The following RGMA variants were observed in gnomAD, a reference collection of about 807,000 sequenced individuals.
RGMA encodes repulsive guidance molecule A.
A neutral mutation model predicts 23.2 loss-of-function variants in RGMA; 10 were observed. That is an observed-to-expected ratio of 0.43 (90% CI 0.27 to 0.73). RGMA has a LOEUF of 0.73. Among genes scored for constraint, RGMA ranks in the 30% least tolerant of loss-of-function variants. RGMA has a pLI of 0.20. For missense variants in RGMA, 547 were observed against 630.5 expected (o/e 0.87, Z 1.42); for synonymous variants, 308 against 279.3 (o/e 1.10, Z -1.03).
At position 93,041,875 on chromosome 15, in the gene RGMA, T is replaced by A. The variant is rs1374608418; in HGVS notation, c.*3123A>T. ...GAACAGGGCTTTAGAACGTTCTCCT[T>A]TTTTGGCCGGGCACGGTGGTGGCTC... is the stretch of plus-strand genomic sequence containing the variant. On this transcript the variant is annotated 3_prime_UTR_variant, in exon 4 of 4. Transcript: ENST00000329082. The A allele has an allele frequency of 6.6e-6, 1 of 152,304 alleles. No individual in the cohort carries two copies. Among genetic ancestry groups the A allele is most frequent in the African/African-American group, 2.4e-5 (1 of 41,436 alleles). The allele number at this position is 152,304 out of a possible 1,614,324, so 9.4% of individuals were successfully genotyped here. A position where few individuals can be genotyped will look rare whatever the true frequency, so the allele number is the denominator to read the frequency against.
intron 1 of RGMA, among the ~76,000 whole-genome samples, chr15:93,088,047 G>A (rs1185217986): frequency 1.3e-5 from 2 of 151,986 alleles, no homozygotes; most frequent in Non-Finnish European, 2.9e-5. Flanking sequence ...CCCCTACTCC[G>A]CCCGCGAGAC....
chr15:93,072,817 C>A (rs922475356), intron 2 of RGMA, 99 bp downstream of exon 2: 357 of 1,328,738 alleles, frequency 2.7e-4, no homozygotes, highest in Non-Finnish European at 3.2e-4. Context: ...CGGAGGAGGT[C>A]CGGAGAACTT....
chr15:93,073,511 G>A (rs1158512805), intron 1 of RGMA: 26 of 1,384,664 alleles, frequency 1.9e-5, no homozygotes, highest in Non-Finnish European at 2.3e-5. Flanking sequence ...TCCCCTCCAC[G>A]AATATCCAAT....
chr15:93,084,878 A>T (rs1282679337), intron 1 of RGMA, among the ~76,000 whole-genome samples: 1 of 152,122 alleles, frequency 6.6e-6, no homozygotes, highest in Non-Finnish European at 1.5e-5. Context: ...CCTAAAGAAG[A>T]GTATGCACTG....
rs1423117084 is a variant in RGMA, at chr15:93,043,790, G to C, written c.*1208C>G. ...GCTGCCGATGGGTGGGTAGGGTGTGGAGCTGTAGGGCTGCTGGCAGGATCA... is the reference window on the plus strand; with the variant it reads ...GCTGCCGATGGGTGGGTAGGGTGTGCAGCTGTAGGGCTGCTGGCAGGATCA... On this transcript the variant is annotated 3_prime_UTR_variant, in exon 4 of 4. Coordinates refer to ENST00000329082, the MANE Select transcript of RGMA (RefSeq NM_020211.3). 1 of 152,740 alleles carries C rather than the reference G, an allele frequency of 6.5e-6. No homozygotes were observed. Among genetic ancestry groups the C allele is most frequent in the Non-Finnish European group, 1.5e-5 (1 of 68,480 alleles). The allele number at this position is 152,740 out of a possible 1,614,324, so 9.5% of individuals were successfully genotyped here. A position where few individuals can be genotyped will look rare whatever the true frequency, so the allele number is the denominator to read the frequency against.
Position 93,086,200 on chromosome 15 carries a change from A to G in RGMA, c.14+2719T>C, listed in dbSNP as rs78134464. On this transcript the variant is annotated intron_variant, in intron 1 of 3. Coordinates refer to ENST00000329082, the MANE Select transcript of RGMA (RefSeq NM_020211.3). ...AAAGAGCCACAGGAACACCACAGACACTTAAAAGTTAACTAAACTTACCTT... is the reference window on the plus strand; with the variant it reads ...AAAGAGCCACAGGAACACCACAGACGCTTAAAAGTTAACTAAACTTACCTT... Among the ~76,000 whole-genome samples, 245 of 152,330 alleles carry G rather than the reference A, an allele frequency of 1.6e-3. 2 individuals are homozygous for G. The East Asian group carries it at 0.025, about 15-fold the overall frequency.
At chr15:93,067,175 T>C (rs75535533) in intron 2 of RGMA, among the ~76,000 whole-genome samples, 227 of 152,370 alleles carry the variant, frequency 1.5e-3, no homozygotes, top group Non-Finnish European at 2.1e-3. Flanking sequence ...GATTTTGGGT[T>C]ATTTTTATTT....
Position 93,045,400 on chromosome 15 carries a change from C to T in RGMA, c.951G>A (p.Arg317=). 1 of 1,613,210 alleles carries T rather than the reference C, an allele frequency of 6.2e-7. No individual in the cohort carries two copies. Among genetic ancestry groups the T allele is most frequent in the Admixed American group, 1.7e-5 (1 of 60,008 alleles). ...WDSQGLYLCL[R]GCPLNQQIDF... is the part of the protein sequence containing the mutation. The stretch of plus-strand genomic sequence containing the variant: ...CGATCTGCTGGTTGAGGGGGCAGCC[C>T]CGCAGGCAGAGGTAGAGACCCTGGC... The change falls in exon 4 of 4, where the codon CGG becomes CGA. Residue 317 remains arginine, a synonymous_variant. Transcript: ENST00000329082. This position sits in a 1 kb window ranked among gnomAD's most constrained non-coding sequence, Gnocchi z 6.9.
chr15:93,060,809 G>C (rs1400707838), intron 2 of RGMA, among the ~76,000 whole-genome samples: 5 of 152,260 alleles, frequency 3.3e-5, no homozygotes, highest in African/African-American at 7.2e-5. Context: ...CCGGGGCAGG[G>C]CTGGCCCCTC....
At position 93,041,048 on chromosome 15, in the gene RGMA, C is replaced by T. The variant is rs1421423408; in HGVS notation, c.*3950G>A. 1 of 152,236 alleles carries T rather than the reference C, an allele frequency of 6.6e-6. No homozygotes were observed. The highest frequency in any genetic ancestry group is 1.5e-5 in the Non-Finnish European group (1 of 68,074). 9.4% of individuals were successfully genotyped at this position (152,236 alleles called of 1,614,324 possible). ...CTGCAGCCCGAGCCCAAGTGCCACC[C>T]CTGCTCCATGCCACTTGCTGGCACA... On this transcript the variant is annotated 3_prime_UTR_variant, in exon 4 of 4. Transcript: ENST00000329082.
intron 1 of RGMA, among the ~76,000 whole-genome samples, chr15:93,085,213 C>G (rs1895618414): frequency 6.6e-6 from 1 of 152,100 alleles, no homozygotes. Context: ...TCTTAAGAGT[C>G]CATGAAGATG....
Position 93,070,539 on chromosome 15 carries a change from A to T in RGMA, c.130+2377T>A, listed in dbSNP as rs146174191. On this transcript the variant is annotated intron_variant, in intron 2 of 3. Transcript: ENST00000329082. ...GGCCCCTCTCCTGGTCAATGTGTCA[A>T]AGAATGGGACAGTCTCTCTCTGTTG... Among the ~76,000 whole-genome samples the T allele has an allele frequency of 3.0e-3, 464 of 152,326 alleles. 3 individuals carry two copies. The highest frequency in any genetic ancestry group is 4.6e-3 in the Non-Finnish European group (312 of 68,014).
At position 93,067,696 on chromosome 15, in the gene RGMA, G is replaced by T. The variant is rs143926772; in HGVS notation, c.130+5220C>A. On this transcript the variant is annotated intron_variant, in intron 2 of 3. Coordinates refer to ENST00000329082, the MANE Select transcript of RGMA (RefSeq NM_020211.3). ...TGGGGAGGCAAGCAGGGAGCAAAGG[G>T]GTGACCCAGGGCTTGGGGATGTGCT... is the stretch of plus-strand genomic sequence containing the variant. Among the ~76,000 whole-genome samples, 188 of 152,132 alleles carry T rather than the reference G, an allele frequency of 1.2e-3. 2 individuals are homozygous for T. The highest frequency in any genetic ancestry group is 4.1e-3 in the African/African-American group (171 of 41,500).
rs2054751876 is a variant in RGMA, at chr15:93,043,272, G to GCACA, written c.*1725_*1726insTGTG. The stretch of plus-strand genomic sequence containing the variant: ...CACAGGCACGCACACACACAGGCAT[G>GCACA]CATACACACATGCGCGCACACACAC... On this transcript the variant is annotated 3_prime_UTR_variant, in exon 4 of 4. Coordinates refer to ENST00000329082, the MANE Select transcript of RGMA (RefSeq NM_020211.3). 1.5e-5 allele frequency: 2 copies of GCACA among 133,440 alleles called. No individual in the cohort carries two copies. Among genetic ancestry groups the GCACA allele is most frequent in the Non-Finnish European group, 3.6e-5 (2 of 55,332 alleles). The allele number at this position is 133,440 out of a possible 1,614,324, so 8.3% of individuals were successfully genotyped here. A position where few individuals can be genotyped will look rare whatever the true frequency, so the allele number is the denominator to read the frequency against.
chr15:93,073,538 T>A (rs1365242232), intron 1 of RGMA: 1 of 1,486,130 alleles, frequency 6.7e-7, no homozygotes, highest in African/African-American at 1.4e-5. Context: ...AGAAAAACTG[T>A]CCTTGGAGGC....
intron 1 of RGMA, among the ~76,000 whole-genome samples, chr15:93,082,314 T>A (rs777627945): frequency 1.6e-4 from 25 of 152,338 alleles, no homozygotes; most frequent in Middle Eastern, 3.4e-3. Context: ...GGGTTTTAAG[T>A]TCATTTTCAG....
intron 3 of RGMA, among the ~76,000 whole-genome samples, chr15:93,047,097 G>A (rs1382051371): frequency 6.6e-6 from 1 of 152,220 alleles, no homozygotes; most frequent in Non-Finnish European, 1.5e-5. Flanking sequence ...AGGCAGAGCT[G>A]GGATTAGACT....
chr15:93,055,796 C>G (rs868673126), intron 2 of RGMA, among the ~76,000 whole-genome samples: 16 of 152,190 alleles, frequency 1.1e-4, no homozygotes, highest in African/African-American at 3.9e-4. Context: ...CAGACTGGTG[C>G]CCAGGTGTGG....
At chr15:93,048,455 C>T (rs1298118660) in intron 3 of RGMA, among the ~76,000 whole-genome samples, 1 of 152,084 alleles carries the variant, frequency 6.6e-6, no homozygotes, top group Non-Finnish European at 1.5e-5. Flanking sequence ...TGCGGAGGGT[C>T]GGGGCTCTGC....
Sources: allele counts gnomAD v4.1 joint callset (sites outside exome capture counted in the v4.1 genomes callset), GRCh38; gene constraint gnomAD v4.1.1; non-coding constraint Gnocchi (gnomAD v3.1); transcripts MANE v1.5; gene names NCBI Gene and HGNC (gene_info 2026-07-23, HGNC 2026-07-21).